TOP3A: variants seen among roughly 807,000 people sequenced by gnomAD.
The protein encoded by TOP3A is DNA topoisomerase III alpha.
Under a neutral mutation model 111.3 loss-of-function variants are expected in TOP3A, and 64 were observed. The ratio of observed to expected loss-of-function variants is 0.57; its 90% confidence interval spans 0.47 to 0.71. The LOEUF (loss-of-function observed/expected upper bound fraction) is 0.71, where lower values mean the gene tolerates loss of function less well. Among genes scored for constraint, TOP3A ranks in the 30% least tolerant of loss-of-function variants. The probability of loss-of-function intolerance (pLI) is 0.00; values close to 1 mark genes in which losing one functional copy is unlikely to be tolerated. For missense variants in TOP3A, 1,104 were observed against 1,285.0 expected, an observed-to-expected ratio of 0.86 and a Z score of 2.15; for synonymous variants, 484 against 485.1, an observed-to-expected ratio of 1.00 and a Z score of 0.03.
chr17:18,292,169 TG>T (rs1338239521), intron 11 of TOP3A, among the ~76,000 whole-genome samples: 1 of 152,236 alleles, frequency 6.6e-6, no homozygotes, highest in Non-Finnish European at 1.5e-5. Context: ...TAATGGCTCC[TG>T]TGCCTGCAGA....
intron 5 of TOP3A, among the ~76,000 whole-genome samples, 161 bp downstream of exon 5, chr17:18,304,951 T>G (rs1340931652): frequency 6.6e-6 from 1 of 152,150 alleles, no homozygotes; most frequent in Non-Finnish European, 1.5e-5. Flanking sequence ...TCCCAATGGC[T>G]CAGTGATTTG....
Position 18,309,070 on chromosome 17 carries a change from C to T in TOP3A, c.181-129G>A, listed in dbSNP as rs1276764996. 4 of 494,864 alleles carry T rather than the reference C, an allele frequency of 8.1e-6. No homozygotes were observed. The East Asian group carries it at 1.0e-4, about 13-fold the overall frequency. 30.7% of individuals were successfully genotyped at this position (494,864 alleles called of 1,614,324 possible). ...GATACCAAAAATATAACCAACATTG[C>T]TCCAAAGAAGATAAGAAATGGCCAA... On this transcript the variant is annotated intron_variant, in intron 1 of 18. Coordinates refer to ENST00000321105, the MANE Select transcript of TOP3A (RefSeq NM_004618.5).
Position 18,285,387 on chromosome 17 carries a change from C to T in TOP3A, c.1711+20G>A. On this transcript the variant is annotated intron_variant, in intron 14 of 18. Transcript: ENST00000321105. The stretch of plus-strand genomic sequence containing the variant: ...GGGCGACACCACCCACTACCCACTG[C>T]AAGCTCTGTCCTCCCTTACCTTCCA... 1.2e-6 allele frequency: 2 copies of T among 1,613,828 alleles called. No individual in the cohort carries two copies. Among genetic ancestry groups the T allele is most frequent in the Non-Finnish European group, 1.7e-6 (2 of 1,179,834 alleles).
At chr17:18,294,878 G>A (rs552336773) in intron 9 of TOP3A, 93 bp from the exon 10 acceptor site, 52 of 833,282 alleles carry the variant, frequency 6.2e-5, no homozygotes, top group South Asian at 5.8e-4. Flanking sequence ...AATCTGGCCC[G>A]TGTCACTCCA....
chr17:18,279,790 G>C (rs116187341), intron 17 of TOP3A, among the ~76,000 whole-genome samples: 1 of 151,868 alleles, frequency 6.6e-6, no homozygotes, highest in Admixed American at 6.6e-5. Context: ...AGGATCAAGC[G>C]ATCCTCCTGC....
chr17:18,285,012 G>C, intron 15 of TOP3A, 130 bp downstream of exon 15: 1 of 1,083,510 alleles, frequency 9.2e-7, no homozygotes, highest in Non-Finnish European at 1.3e-6. Flanking sequence ...GACTGGCCCA[G>C]ATGCGGTGGC....
At chr17:18,299,442 T>A (rs543520741) in intron 9 of TOP3A, 117 bp downstream of exon 9, 5 of 872,836 alleles carry the variant, frequency 5.7e-6, no homozygotes, top group Non-Finnish European at 5.8e-6. Context: ...TGTTTTCTTG[T>A]GTGGCCTGGT....
At position 18,288,565 on chromosome 17, in the gene TOP3A, T is replaced by C. The variant is rs61639299; in HGVS notation, c.1597+1992A>G. Among the ~76,000 whole-genome samples, 500 of 152,316 alleles carry C rather than the reference T, an allele frequency of 3.3e-3. 2 individuals are homozygous for C. The highest frequency in any genetic ancestry group is 0.012 in the African/African-American group (485 of 41,572). ...TGTACCACCATCTAAGCCCTTCAAC[T>C]GGGCAAGCCAAGGCCCTGCAAAGTC... On this transcript the variant is annotated intron_variant, in intron 13 of 18. Coordinates refer to ENST00000321105, the MANE Select transcript of TOP3A (RefSeq NM_004618.5).
intron 10 of TOP3A, 37 bp from the exon 11 acceptor site, chr17:18,292,889 T>A: frequency 6.3e-7 from 1 of 1,576,360 alleles, no homozygotes; most frequent in South Asian, 1.2e-5. Context: ...AAGAAATTGC[T>A]AGGCTCTCTG....
In TOP3A at chr17:18,277,159, G is replaced by A. The variant is rs149871018; in HGVS notation, c.2827+516C>T. Among the ~76,000 whole-genome samples, 15 of 145,712 alleles carry A rather than the reference G, an allele frequency of 1.0e-4. No individual in the cohort carries two copies. The East Asian group carries it at 2.8e-3, about 27-fold the overall frequency. ...AGATTGCACCATTGCACTCCAGTCT[G>A]GGCAACAAGAGCAAAACTCAGTCTC... On this transcript the variant is annotated intron_variant, in intron 18 of 18. Coordinates refer to ENST00000321105, the MANE Select transcript of TOP3A (RefSeq NM_004618.5).
At position 18,278,244 on chromosome 17, in the gene TOP3A, G is replaced by GA. The variant is rs1236521243; in HGVS notation, c.2257dup (p.Ser753PhefsTer8). The GA allele has an allele frequency of 1.9e-6, 3 of 1,571,594 alleles. No individual in the cohort carries two copies. In the East Asian group the frequency reaches 6.8e-5, roughly 35 times the overall value. On this transcript the variant is annotated frameshift_variant, in exon 18 of 19. Coordinates refer to ENST00000321105, the MANE Select transcript of TOP3A (RefSeq NM_004618.5). LOFTEE classifies it high-confidence loss of function. The stretch of plus-strand genomic sequence containing the variant: ...CTGGCTAGCCCTGGGGGGGCCCCCT[G>GA]AAAATCTCAGGTCCAGGATCTCCCT...
chr17:18,276,121 G>C (rs1180829638), intron 18 of TOP3A, among the ~76,000 whole-genome samples: 2 of 152,172 alleles, frequency 1.3e-5, no homozygotes, highest in East Asian at 3.8e-4. Context: ...CACTCACTTG[G>C]TAAGTGGACT....
chr17:18,298,185 G>A (rs1385450623), intron 9 of TOP3A, among the ~76,000 whole-genome samples: 17 of 149,660 alleles, frequency 1.1e-4, no homozygotes, highest in African/African-American at 3.5e-4. Flanking sequence ...CCCTCCGCCC[G>A]GCAACCGCCC....
chr17:18,299,411 C>A, intron 9 of TOP3A, 148 bp downstream of exon 9: 2 of 743,414 alleles, frequency 2.7e-6, no homozygotes, highest in Non-Finnish European at 2.4e-6. Context: ...TGAGGCTAAG[C>A]AGGACCGTGT....
Position 18,278,218 on chromosome 17 carries a change from G to C in TOP3A, c.2284C>G (p.Pro762Ala). 6.2e-7 allele frequency: 1 copy of C among 1,601,026 alleles called. No individual in the cohort carries two copies. Among genetic ancestry groups the C allele is most frequent in the South Asian group, 1.1e-5 (1 of 90,124 alleles). Residue 762 changes from proline to alanine, a missense_variant, in exon 18 of 19, where the codon CCC becomes GCC. Physicochemically the swap from Pro to Ala is conservative, Grantham distance 27. Transcript: ENST00000321105. Reference protein sequence around the residue: ...FSGGPPRASQPSGRLQANQSL... With the variant: ...FSGGPPRASQASGRLQANQSL... ...TGGTTAGCCTGCAGGCGGCCAGAGG[G>C]CTGGCTAGCCCTGGGGGGGCCCCCT... is the stretch of plus-strand genomic sequence containing the variant.
At chr17:18,306,711 C>T (rs1981599543) in intron 4 of TOP3A, 180 bp downstream of exon 4, 6 of 551,520 alleles carry the variant, frequency 1.1e-5, no homozygotes, top group South Asian at 9.1e-5. Flanking sequence ...AAAAAGTTTA[C>T]TTCAGTCCCT....
intron 8 of TOP3A, among the ~76,000 whole-genome samples, chr17:18,300,887 G>A (rs1054399349): frequency 6.6e-6 from 1 of 152,178 alleles, no homozygotes; most frequent in African/African-American, 2.4e-5. Flanking sequence ...AAGGGGCAGG[G>A]ACACACTAGG....
Position 18,295,924 on chromosome 17 carries a change from C to T in TOP3A, c.991-1139G>A, listed in dbSNP as rs532384829. ...CTGGGACTACAGGCACCTGCCACCA[C>T]GCCTGGCTGATTTTTTCTATTTTTA... On this transcript the variant is annotated intron_variant, in intron 9 of 18. Coordinates refer to ENST00000321105, the MANE Select transcript of TOP3A (RefSeq NM_004618.5). 3.9e-5 allele frequency among the ~76,000 whole-genome samples: 6 copies of T among 152,032 alleles called. No individual in the cohort carries two copies. In the East Asian group the frequency reaches 1.2e-3, roughly 30 times the overall value.
At chr17:18,306,727 A>G in intron 4 of TOP3A, 164 bp downstream of exon 4, 1 of 582,402 alleles carries the variant, frequency 1.7e-6, no homozygotes, top group Non-Finnish European at 3.1e-6. Flanking sequence ...TCCCTTGGCC[A>G]CTTAGCCACA....
Sources: allele counts gnomAD v4.1 joint callset (sites outside exome capture counted in the v4.1 genomes callset), GRCh38; gene constraint gnomAD v4.1.1; transcripts MANE v1.5; gene names NCBI Gene and HGNC (gene_info 2026-07-23, HGNC 2026-07-21).